NAALADL2: variants seen among roughly 807,000 people sequenced by gnomAD.
NAALADL2 encodes the protein inactive N-acetylated-alpha-linked acidic dipeptidase-like protein 2.
In NAALADL2, 76 loss-of-function variants were observed where a neutral mutation model predicts 87.2. That is an observed-to-expected ratio of 0.87 (90% CI 0.72 to 1.05). The LOEUF (loss-of-function observed/expected upper bound fraction) is 1.05. Ranked by LOEUF, NAALADL2 falls within the 50% of genes least tolerant of loss-of-function variation. NAALADL2 has a pLI of 0.00. For synonymous variants in NAALADL2, 354 were observed against 331.0 expected (o/e 1.07, Z -0.75); for missense variants, 1,089 against 945.8 (o/e 1.15, Z -1.99).
At chr3:175,021,426 A>C (rs1317712659) in intron 1 of NAALADL2, among the ~76,000 whole-genome samples, 1 of 152,092 alleles carries the variant, frequency 6.6e-6, no homozygotes, top group African/African-American at 2.4e-5. Flanking sequence ...TATGAAGGTA[A>C]AAAAGATACA....
At chr3:175,099,092 C>T (rs1396301604) in intron 2 of NAALADL2, among the ~76,000 whole-genome samples, 7 of 152,058 alleles carry the variant, frequency 4.6e-5, no homozygotes, top group Admixed American at 2.6e-4. Context: ...CCTTATATAA[C>T]TTTGGCTTTC....
chr3:174,903,799 T>C (rs1732588848), intron 1 of NAALADL2, among the ~76,000 whole-genome samples: 1 of 151,840 alleles, frequency 6.6e-6, no homozygotes, highest in Non-Finnish European at 1.5e-5. Flanking sequence ...TGAGATTAAG[T>C]AGTGACTGAT....
chr3:174,678,034 A>G (rs1012900271), intron 2 of NAALADL2, among the ~76,000 whole-genome samples: 5 of 152,138 alleles, frequency 3.3e-5, no homozygotes, highest in African/African-American at 1.2e-4. Context: ...CCTACTCTGC[A>G]CATGCACACA....
chr3:175,712,953 A>T (rs1030261165), intron 11 of NAALADL2, among the ~76,000 whole-genome samples: 1 of 152,102 alleles, frequency 6.6e-6, no homozygotes, highest in Non-Finnish European at 1.5e-5. Flanking sequence ...AGCATAATGA[A>T]GTCTGTAACT....
In NAALADL2 at chr3:175,324,440, CTTA is replaced by C. The variant is rs529785710; in HGVS notation, c.1090+121_1090+123del. The stretch of plus-strand genomic sequence containing the variant: ...TGTCAAATAATTCTTAGCATCCCAT[CTTA>C]TTATTTTAAAAAGCAATTTATTTTT... On this transcript the variant is annotated intron_variant, in intron 5 of 13. Transcript: ENST00000454872. The C allele has an allele frequency of 3.7e-3, 2,921 of 789,702 alleles. 14 individuals are homozygous for C. Among genetic ancestry groups the C allele is most frequent in the Middle Eastern group, 4.1e-3 (12 of 2,952 alleles). The allele number at this position is 789,702 out of a possible 1,614,324, so 48.9% of individuals were successfully genotyped here. A position where few individuals can be genotyped will look rare whatever the true frequency, so the allele number is the denominator to read the frequency against.
intron 3 of NAALADL2, among the ~76,000 whole-genome samples, chr3:174,780,893 G>A (rs556699967): frequency 9.9e-5 from 15 of 152,068 alleles, no homozygotes; most frequent in East Asian, 5.8e-4. Flanking sequence ...TTACAATTTC[G>A]TATGTTTTTT....
chr3:175,107,474 ATCTAGC>A (rs1416569720), intron 2 of NAALADL2, among the ~76,000 whole-genome samples: 3 of 151,452 alleles, frequency 2.0e-5, no homozygotes, highest in Middle Eastern at 3.4e-3. Flanking sequence ...AAATAAACCA[ATCTAGC>A]TCTTTTCATA....
chr3:175,145,301 T>C (rs1730583853), intron 2 of NAALADL2, among the ~76,000 whole-genome samples: 1 of 152,074 alleles, frequency 6.6e-6, no homozygotes, highest in African/African-American at 2.4e-5. Context: ...GAATTTTTAA[T>C]TTTGTAAGTT....
chr3:174,800,624 G>A (rs9821504), intron 3 of NAALADL2, among the ~76,000 whole-genome samples: 49,563 of 152,004 alleles, frequency 0.33, 8,399 homozygotes, highest in Admixed American at 0.37. Context: ...GCACCGCCTA[G>A]TAGAGCTGTG....
intron 5 of NAALADL2, among the ~76,000 whole-genome samples, chr3:175,427,283 T>C (rs1467635306): frequency 6.6e-6 from 1 of 152,158 alleles, no homozygotes; most frequent in African/African-American, 2.4e-5. Context: ...CTAGTAGATT[T>C]GGGGGGTAGT....
At chr3:175,575,629 A>G (rs374177066) in intron 9 of NAALADL2, among the ~76,000 whole-genome samples, 2 of 152,086 alleles carry the variant, frequency 1.3e-5, no homozygotes, top group East Asian at 3.9e-4. Flanking sequence ...ACAGAATTAT[A>G]CCCTACAAAG....
At chr3:175,073,308 A>T (rs544453204) in intron 1 of NAALADL2, among the ~76,000 whole-genome samples, 31 of 152,122 alleles carry the variant, frequency 2.0e-4, no homozygotes, top group African/African-American at 7.5e-4. Flanking sequence ...CCTTGAAAAA[A>T]TTTTATTTGG....
intron 13 of NAALADL2, among the ~76,000 whole-genome samples, chr3:175,784,294 GTACC>G: frequency 6.6e-6 from 1 of 152,168 alleles, no homozygotes; most frequent in Non-Finnish European, 1.5e-5. Context: ...GTTCCTCCTT[GTACC>G]TCTGATAGAA....
At chr3:175,691,502 T>C (rs1464982469) in intron 11 of NAALADL2, among the ~76,000 whole-genome samples, 3 of 151,886 alleles carry the variant, frequency 2.0e-5, no homozygotes, top group Non-Finnish European at 4.4e-5. Flanking sequence ...TCTTACTGTT[T>C]GTAATATTTT....
intron 1 of NAALADL2, among the ~76,000 whole-genome samples, chr3:174,905,470 G>A (rs1732854187): frequency 6.6e-6 from 1 of 151,878 alleles, no homozygotes; most frequent in Non-Finnish European, 1.5e-5. Flanking sequence ...GCATCAGTTT[G>A]GTAAAATGGC....
At chr3:175,003,960 T>TA (rs1009484706) in intron 1 of NAALADL2, among the ~76,000 whole-genome samples, 59 of 152,150 alleles carry the variant, frequency 3.9e-4, no homozygotes, top group African/African-American at 1.4e-3. Context: ...GGAAACATTT[T>TA]AAAAAGCCAT....
chr3:174,658,619 C>A (rs9290512), intron 2 of NAALADL2, among the ~76,000 whole-genome samples: 21,876 of 151,968 alleles, frequency 0.14, 2,606 homozygotes, highest in African/African-American at 0.31. Context: ...TCAAATTTGG[C>A]TTCTGAAAGT....
intron 11 of NAALADL2, among the ~76,000 whole-genome samples, chr3:175,695,855 CA>C (rs1737729956): frequency 6.6e-6 from 1 of 152,008 alleles, no homozygotes. Context: ...TACGGTTTAT[CA>C]GTAATAATTA....
intron 2 of NAALADL2, among the ~76,000 whole-genome samples, chr3:175,217,357 A>C (rs530170342): frequency 1.3e-5 from 2 of 152,312 alleles, no homozygotes; most frequent in South Asian, 4.1e-4. Flanking sequence ...TGTTTCCAAA[A>C]ATATCAGGCA....
Sources: allele counts gnomAD v4.1 joint callset (sites outside exome capture counted in the v4.1 genomes callset), GRCh38; gene constraint gnomAD v4.1.1; transcripts MANE v1.5; gene names NCBI Gene and HGNC (gene_info 2026-07-23, HGNC 2026-07-21).